ZCWPW2: variants seen among roughly 807,000 people sequenced by gnomAD.
The protein encoded by ZCWPW2 is zinc finger CW-type and PWWP domain containing 2.
In ZCWPW2, 45 loss-of-function variants were observed where a neutral mutation model predicts 46.6. The observed-to-expected ratio is 0.96, with a 90% CI of 0.76 to 1.24. The LOEUF (loss-of-function observed/expected upper bound fraction) is 1.24, where lower values mean the gene tolerates loss of function less well. Ranked by LOEUF, ZCWPW2 falls within the 50% of genes most tolerant of loss-of-function variation. ZCWPW2 has a pLI of 0.00. For missense variants in ZCWPW2, 429 were observed against 403.9 expected, an observed-to-expected ratio of 1.06 and a Z score of -0.53; for synonymous variants, 152 against 137.1, an observed-to-expected ratio of 1.11 and a Z score of -0.76.
At chr3:28,491,837 A>G (rs1350921644) in intron 5 of ZCWPW2, among the ~76,000 whole-genome samples, 2 of 152,132 alleles carry the variant, frequency 1.3e-5, no homozygotes, top group African/African-American at 4.8e-5. Flanking sequence ...CCCAGAACCT[A>G]GAAATAAGAT....
chr3:28,389,067 G>T (rs779550278), intron 1 of ZCWPW2, among the ~76,000 whole-genome samples: 29 of 152,094 alleles, frequency 1.9e-4, no homozygotes, highest in Non-Finnish European at 3.8e-4. Context: ...CCAGTTCAAT[G>T]GAATCATTGT....
In ZCWPW2 at chr3:28,349,909, ATTG is replaced by A. The variant is rs757606661; in HGVS notation, c.-134+713_-134+715del. Among the ~76,000 whole-genome samples, 88 of 152,130 alleles carry A rather than the reference ATTG, an allele frequency of 5.8e-4. 1 individual carries two copies. Among genetic ancestry groups the A allele is most frequent in the Non-Finnish European group, 7.6e-4 (52 of 68,006 alleles). ...AGGGTTTATATGAAAATTCGTTTTT[ATTG>A]TTGTTGGTTTTTTTATTGTCTTTTT... On this transcript the variant is annotated intron_variant, in intron 1 of 9. Coordinates refer to ENST00000383768, the MANE Select transcript of ZCWPW2 (RefSeq NM_001040432.4).
chr3:28,512,871 C>T (rs1219145207), intron 6 of ZCWPW2, among the ~76,000 whole-genome samples: 5 of 151,954 alleles, frequency 3.3e-5, no homozygotes, highest in Non-Finnish European at 7.4e-5. Flanking sequence ...TCCATTTTAA[C>T]CCTTTAATAA....
intron 4 of ZCWPW2, among the ~76,000 whole-genome samples, chr3:28,438,792 A>C (rs1410882332): frequency 6.6e-6 from 1 of 152,164 alleles, no homozygotes; most frequent in Non-Finnish European, 1.5e-5. Flanking sequence ...GAGAGTCAAG[A>C]ACATGATGTA....
intron 8 of ZCWPW2, among the ~76,000 whole-genome samples, chr3:28,516,843 C>T (rs1700586269): frequency 1.3e-5 from 2 of 149,036 alleles, no homozygotes; most frequent in South Asian, 4.2e-4. Flanking sequence ...CTCATCTCTA[C>T]TAAAATTAAA....
chr3:28,430,001 G>A (rs572638826), intron 3 of ZCWPW2, among the ~76,000 whole-genome samples: 2 of 152,244 alleles, frequency 1.3e-5, no homozygotes, highest in East Asian at 3.9e-4. Flanking sequence ...GAGTGCAGAA[G>A]GGAAATGTGG....
At chr3:28,520,008 A>ATT (rs58068293) in intron 8 of ZCWPW2, among the ~76,000 whole-genome samples, 6 of 123,680 alleles carry the variant, frequency 4.9e-5, no homozygotes, top group Non-Finnish European at 8.8e-5. Context: ...TTTTTTGCCT[A>ATT]TTTTTTTTTT....
chr3:28,504,856 T>C (rs992938592), intron 6 of ZCWPW2, among the ~76,000 whole-genome samples: 2 of 152,232 alleles, frequency 1.3e-5, no homozygotes, highest in Non-Finnish European at 2.9e-5. Flanking sequence ...CCGGACACCC[T>C]GTCTGGATTA....
At chr3:28,469,170 G>A (rs1291157377) in intron 4 of ZCWPW2, among the ~76,000 whole-genome samples, 1 of 151,860 alleles carries the variant, frequency 6.6e-6, no homozygotes, top group African/African-American at 2.4e-5. Context: ...AAAATAATGG[G>A]TTATAATATT....
intron 2 of ZCWPW2, among the ~76,000 whole-genome samples, chr3:28,401,520 C>G (rs1291757383): frequency 6.6e-6 from 1 of 152,144 alleles, no homozygotes; most frequent in Non-Finnish European, 1.5e-5. Flanking sequence ...TAGCACTAGA[C>G]AGGTCATCAA....
At chr3:28,384,016 G>A (rs923968781) in intron 1 of ZCWPW2, among the ~76,000 whole-genome samples, 1 of 152,076 alleles carries the variant, frequency 6.6e-6, no homozygotes, top group South Asian at 2.1e-4. Flanking sequence ...ACCATGTAGT[G>A]AATTTCCTGG....
At chr3:28,356,226 A>G (rs980296198) in intron 1 of ZCWPW2, among the ~76,000 whole-genome samples, 1 of 152,192 alleles carries the variant, frequency 6.6e-6, no homozygotes, top group East Asian at 1.9e-4. Context: ...GAAGACGTTT[A>G]TGCAGCCAAA....
chr3:28,383,451 A>G (rs780414336), intron 1 of ZCWPW2, among the ~76,000 whole-genome samples: 3 of 152,170 alleles, frequency 2.0e-5, no homozygotes, highest in Non-Finnish European at 4.4e-5. Context: ...TGACAATGTC[A>G]CTGAAAACCT....
chr3:28,351,263 T>C (rs949754217), intron 1 of ZCWPW2, among the ~76,000 whole-genome samples: 3 of 149,078 alleles, frequency 2.0e-5, no homozygotes, highest in African/African-American at 2.5e-5. Context: ...TATATATATA[T>C]ACATATATAT....
rs1383862963 is a variant in ZCWPW2 at position 28,491,160 on chromosome 3, G to C, written c.611-967G>C. On this transcript the variant is annotated intron_variant, in intron 5 of 9. Coordinates refer to ENST00000383768, the MANE Select transcript of ZCWPW2 (RefSeq NM_001040432.4). The stretch of plus-strand genomic sequence containing the variant: ...TTTTATCCTAATCAGAGGAATATCT[G>C]TAGTAGCACCTAACCTTATACATTC... 5.9e-5 allele frequency among the ~76,000 whole-genome samples: 9 copies of C among 152,202 alleles called. No individual in the cohort carries two copies. The East Asian group carries it at 1.7e-3, about 29-fold the overall frequency.
chr3:28,350,498 G>A (rs1169206980), intron 1 of ZCWPW2, among the ~76,000 whole-genome samples: 1 of 152,076 alleles, frequency 6.6e-6, no homozygotes, highest in Non-Finnish European at 1.5e-5. Flanking sequence ...CATATAATGG[G>A]TTTATTAAGA....
intron 2 of ZCWPW2, among the ~76,000 whole-genome samples, chr3:28,404,170 A>G (rs1179438295): frequency 1.3e-5 from 2 of 152,140 alleles, no homozygotes; most frequent in Non-Finnish European, 2.9e-5. Flanking sequence ...ATCTACAATG[A>G]ACTCAAATAA....
intron 1 of ZCWPW2, among the ~76,000 whole-genome samples, chr3:28,359,737 G>A (rs1704870360): frequency 6.6e-6 from 1 of 152,012 alleles, no homozygotes; most frequent in Admixed American, 6.6e-5. Context: ...GTAGCATTAG[G>A]CATATTTATG....
chr3:28,437,409 A>G (rs1204254297), intron 4 of ZCWPW2, among the ~76,000 whole-genome samples: 2 of 152,240 alleles, frequency 1.3e-5, no homozygotes, highest in Non-Finnish European at 2.9e-5. Context: ...AAGGTGGTAT[A>G]GACATAAATT....
Sources: allele counts gnomAD v4.1 joint callset (sites outside exome capture counted in the v4.1 genomes callset), GRCh38; gene constraint gnomAD v4.1.1; transcripts MANE v1.5; gene names NCBI Gene and HGNC (gene_info 2026-07-23, HGNC 2026-07-21).